NPFFR1: variants seen among roughly 807,000 people sequenced by gnomAD.
The protein encoded by NPFFR1 is neuropeptide FF receptor 1.
NPFFR1 carries 17 observed loss-of-function variants against 12.7 expected under a neutral mutation model. The observed-to-expected ratio is 1.34, with a 90% CI of 0.92 to 2.01. The LOEUF (loss-of-function observed/expected upper bound fraction) is 2.01, where lower values mean the gene tolerates loss of function less well. Ranked by LOEUF, NPFFR1 falls within the 30% of genes most tolerant of loss-of-function variation. NPFFR1 has a pLI of 0.00. For synonymous variants in NPFFR1, 296 were observed against 264.5 expected (o/e 1.12, Z -1.16); for missense variants, 604 against 606.5 (o/e 1.00, Z 0.04).
At chr10:70,263,845 C>T (rs951848069) in intron 2 of NPFFR1, among the ~76,000 whole-genome samples, 2 of 149,768 alleles carry the variant, frequency 1.3e-5, no homozygotes, top group African/African-American at 5.1e-5. Context: ...GGCATGGTGC[C>T]TCACTCCTGT....
chr10:70,251,547 G>A lies in NPFFR1; in HGVS notation c.*3410C>T, dbSNP rs1299839026. 6.6e-6 allele frequency: 1 copy of A among 152,396 alleles called. No homozygotes were observed. The highest frequency in any genetic ancestry group is 1.5e-5 in the Non-Finnish European group (1 of 68,156). The allele number at this position is 152,396 out of a possible 1,614,324, so 9.4% of individuals were successfully genotyped here. ...GAGGGTGACCACTCATGCCGCACAT[G>A]GCAGGACAGGACACAGAGTCCCTCC... On this transcript the variant is annotated 3_prime_UTR_variant, in exon 4 of 4. Coordinates refer to ENST00000277942, the MANE Select transcript of NPFFR1 (RefSeq NM_022146.5).
chr10:70,259,034 G>A (rs1840605676), intron 3 of NPFFR1, among the ~76,000 whole-genome samples: 1 of 152,108 alleles, frequency 6.6e-6, no homozygotes, highest in Non-Finnish European at 1.5e-5. Flanking sequence ...AGTGGCTTAT[G>A]TCAGCACTTT....
chr10:70,276,551 T>G (rs1163811887), intron 1 of NPFFR1, among the ~76,000 whole-genome samples: 2 of 151,324 alleles, frequency 1.3e-5, no homozygotes, highest in Non-Finnish European at 2.9e-5. Context: ...CTTTTGAGCA[T>G]GAGAGACCGA....
Position 70,253,881 on chromosome 10 carries a change from C to T in NPFFR1, c.*1076G>A, listed in dbSNP as rs976776031. On this transcript the variant is annotated 3_prime_UTR_variant, in exon 4 of 4. Coordinates refer to ENST00000277942, the MANE Select transcript of NPFFR1 (RefSeq NM_022146.5). ...TGGGGGAAAGCCAGAGTAAACAGGG[C>T]TCTCCTGGTACCTCCTTAGAGTACA... The T allele has an allele frequency of 6.6e-6, 1 of 152,302 alleles. No homozygotes were observed. Among genetic ancestry groups the T allele is most frequent in the Non-Finnish European group, 1.5e-5 (1 of 68,150 alleles). The allele number at this position is 152,302 out of a possible 1,614,324, so 9.4% of individuals were successfully genotyped here.
chr10:70,269,421 T>C (rs1477039137), intron 1 of NPFFR1, among the ~76,000 whole-genome samples: 2 of 152,168 alleles, frequency 1.3e-5, no homozygotes, highest in African/African-American at 4.8e-5. Context: ...CCTCCCAAAG[T>C]GCTGAGATTA....
intron 1 of NPFFR1, among the ~76,000 whole-genome samples, chr10:70,270,895 C>T (rs1490380429): frequency 2.0e-5 from 3 of 152,102 alleles, no homozygotes. Flanking sequence ...CTCCAGGGTA[C>T]CCAAGAGAGA....
intron 3 of NPFFR1, among the ~76,000 whole-genome samples, chr10:70,258,486 T>C (rs1290931481): frequency 6.6e-6 from 1 of 152,202 alleles, no homozygotes; most frequent in Non-Finnish European, 1.5e-5. Context: ...ATTAGATAAA[T>C]GCATGAATGA....
rs1840544382 is a variant in NPFFR1, at chr10:70,254,866, C to G, written c.*91G>C. 1 of 1,316,224 alleles carries G rather than the reference C, an allele frequency of 7.6e-7. No individual in the cohort carries two copies. The highest frequency in any genetic ancestry group is 1.5e-5 in the African/African-American group (1 of 64,570). The allele number at this position is 1,316,224 out of a possible 1,614,324, so 81.5% of individuals were successfully genotyped here. On this transcript the variant is annotated 3_prime_UTR_variant, in exon 4 of 4. Coordinates refer to ENST00000277942, the MANE Select transcript of NPFFR1 (RefSeq NM_022146.5). Reference sequence around the variant, plus strand: ...CTCTGGAGAGGGAGGGACCACGCATCCTCACCTAACCACACCAGGCCGCTA... The same window carrying G: ...CTCTGGAGAGGGAGGGACCACGCATGCTCACCTAACCACACCAGGCCGCTA...
At chr10:70,281,672 A>G (rs1416039455) in intron 1 of NPFFR1, among the ~76,000 whole-genome samples, 1 of 152,170 alleles carries the variant, frequency 6.6e-6, no homozygotes, top group Non-Finnish European at 1.5e-5. Context: ...TTTTTTTCTA[A>G]TTACTCACAG....
chr10:70,256,334 G>A (rs10999214), intron 3 of NPFFR1, among the ~76,000 whole-genome samples: 5 of 152,204 alleles, frequency 3.3e-5, no homozygotes, highest in Admixed American at 6.5e-5. Flanking sequence ...CTCCGGCCTC[G>A]GCCTCCCGAA....
chr10:70,253,792 G>C lies in NPFFR1; in HGVS notation c.*1165C>G, dbSNP rs1397909715. On this transcript the variant is annotated 3_prime_UTR_variant, in exon 4 of 4. Coordinates refer to ENST00000277942, the MANE Select transcript of NPFFR1 (RefSeq NM_022146.5). The stretch of plus-strand genomic sequence containing the variant: ...GGGGCCTGTGAAAGGACCCTCCAAG[G>C]CAATCCCATGTGCTCCCGTCTCCTG... 2 of 152,220 alleles carry C rather than the reference G, an allele frequency of 1.3e-5. No homozygotes were observed. The highest frequency in any genetic ancestry group is 4.8e-5 in the African/African-American group (2 of 41,434). The allele number at this position is 152,220 out of a possible 1,614,324, so 9.4% of individuals were successfully genotyped here.
At chr10:70,264,366 CAAAAAAAAAAAA>C (rs56178146) in intron 2 of NPFFR1, among the ~76,000 whole-genome samples, 1 of 74,582 alleles carries the variant, frequency 1.3e-5, no homozygotes, top group South Asian at 5.4e-4. Context: ...AGTGAGACTC[CAAAAAAAAAAAA>C]AAAAAAAAAA....
chr10:70,283,602 C>T, intron 1 of NPFFR1, 68 bp downstream of exon 1: 1 of 1,444,664 alleles, frequency 6.9e-7, no homozygotes, highest in Non-Finnish European at 9.4e-7. Context: ...CCTCTCCTCT[C>T]CCTTCGCCCC....
chr10:70,279,047 A>G (rs991190043), intron 1 of NPFFR1, among the ~76,000 whole-genome samples: 2 of 152,230 alleles, frequency 1.3e-5, no homozygotes, highest in African/African-American at 2.4e-5. Context: ...TACAAGGTGG[A>G]GTAATTAAAT....
intron 2 of NPFFR1, among the ~76,000 whole-genome samples, chr10:70,261,381 C>T (rs1335731942): frequency 6.6e-6 from 1 of 152,132 alleles, no homozygotes; most frequent in African/African-American, 2.4e-5. Flanking sequence ...AACCTCTTTC[C>T]TCTATAAATT....
In NPFFR1 at chr10:70,253,796, T is replaced by C. The variant is rs562426452; in HGVS notation, c.*1161A>G. Reference sequence around the variant, plus strand: ...CCTGTGAAAGGACCCTCCAAGGCAATCCCATGTGCTCCCGTCTCCTGGAAA... The same window carrying C: ...CCTGTGAAAGGACCCTCCAAGGCAACCCCATGTGCTCCCGTCTCCTGGAAA... On this transcript the variant is annotated 3_prime_UTR_variant, in exon 4 of 4. Transcript: ENST00000277942. 3.9e-5 allele frequency: 6 copies of C among 152,288 alleles called. No individual in the cohort carries two copies. The highest frequency in any genetic ancestry group is 1.4e-4 in the African/African-American group (6 of 41,552). The allele number at this position is 152,288 out of a possible 1,614,324, so 9.4% of individuals were successfully genotyped here.
intron 2 of NPFFR1, among the ~76,000 whole-genome samples, chr10:70,262,593 G>T (rs953599301): frequency 6.6e-6 from 1 of 152,188 alleles, no homozygotes; most frequent in Non-Finnish European, 1.5e-5. Flanking sequence ...AAGTAAATAT[G>T]TTGTAGATAA....
At chr10:70,277,469 G>A (rs1317535716) in intron 1 of NPFFR1, among the ~76,000 whole-genome samples, 2 of 152,182 alleles carry the variant, frequency 1.3e-5, no homozygotes, top group East Asian at 3.8e-4. Flanking sequence ...AGAGACTCTG[G>A]CAGGAGCATT....
chr10:70,280,774 C>A (rs756408699), intron 1 of NPFFR1, among the ~76,000 whole-genome samples: 1 of 152,090 alleles, frequency 6.6e-6, no homozygotes, highest in Non-Finnish European at 1.5e-5. Flanking sequence ...AGGGCCGAGG[C>A]GGGCAGATCA....
Sources: gnomAD v4.1 joint callset for allele counts (sites outside exome capture counted in the v4.1 genomes callset) on GRCh38, gnomAD v4.1.1 for gene constraint, MANE v1.5 for transcripts, NCBI Gene and HGNC (gene_info 2026-07-23, HGNC 2026-07-21) for gene names.